NBEA: variants seen among roughly 807,000 people sequenced by gnomAD.
The protein encoded by NBEA is lysosomal-trafficking regulator 2.
In NBEA, 44 loss-of-function variants were observed where a neutral mutation model predicts 343.4. That is an observed-to-expected ratio of 0.13 (90% CI 0.10 to 0.16). The LOEUF is 0.16. NBEA is among the 10% of genes least tolerant of loss of function. NBEA has a pLI of 1.00. For synonymous variants in NBEA, 1,175 were observed against 1,238.7 expected (o/e 0.95, Z 1.08); for missense variants, 2,555 against 3,631.3 (o/e 0.70, Z 7.62).
At chr13:35,619,889 A>C (rs1001572526) in intron 48 of NBEA, among the ~76,000 whole-genome samples, 1 of 152,198 alleles carries the variant, frequency 6.6e-6, no homozygotes, top group Non-Finnish European at 1.5e-5. Flanking sequence ...TATGGAAAAT[A>C]CAAAGAATGG....
chr13:35,286,206 G>A (rs747215567), intron 34 of NBEA, among the ~76,000 whole-genome samples: 3 of 152,042 alleles, frequency 2.0e-5, no homozygotes, highest in Admixed American at 6.6e-5. Flanking sequence ...AGGCACATTA[G>A]ACAATATGTT....
chr13:35,555,158 T>A, intron 44 of NBEA, 56 bp downstream of exon 44: 1 of 959,536 alleles, frequency 1.0e-6, no homozygotes, highest in Non-Finnish European at 1.6e-6. Context: ...AAAATCATGG[T>A]AATGTAGCCT....
intron 30 of NBEA, chr13:35,185,268 T>C (rs1279018836): frequency 6.6e-6 from 1 of 152,128 alleles, no homozygotes; most frequent in Non-Finnish European, 1.5e-5. Context: ...CTGCCAATAA[T>C]TGAATGAGTT....
At chr13:35,087,470 A>G (rs919898376) in intron 10 of NBEA, among the ~76,000 whole-genome samples, 2 of 151,944 alleles carry the variant, frequency 1.3e-5, no homozygotes, top group African/African-American at 2.4e-5. Flanking sequence ...ATGAGCCACT[A>G]TTAACATCAT....
At chr13:35,148,315 A>G (rs1294427865) in intron 18 of NBEA, among the ~76,000 whole-genome samples, 2 of 152,156 alleles carry the variant, frequency 1.3e-5, no homozygotes, top group East Asian at 3.8e-4. Context: ...ATAGAACATA[A>G]CTCATTAAGT....
chr13:35,078,313 C>T (rs2064210804), intron 10 of NBEA, among the ~76,000 whole-genome samples: 1 of 152,170 alleles, frequency 6.6e-6, no homozygotes, highest in African/African-American at 2.4e-5. Flanking sequence ...AACAAACAAC[C>T]TCAAAATCTG....
chr13:35,531,565 T>G (rs2078264428), intron 41 of NBEA, among the ~76,000 whole-genome samples: 1 of 152,204 alleles, frequency 6.6e-6, no homozygotes, highest in Non-Finnish European at 1.5e-5. Flanking sequence ...CCCTTACCTT[T>G]CCTTTGTATT....
At position 35,308,488 on chromosome 13, in the gene NBEA, GTA is replaced by G. The variant is rs1380889685; in HGVS notation, c.5839-1032_5839-1031del. Among the ~76,000 whole-genome samples, 174 of 103,434 alleles carry G rather than the reference GTA, an allele frequency of 1.7e-3. 3 individuals carry two copies. The highest frequency in any genetic ancestry group is 3.1e-3 in the East Asian group (12 of 3,910). The allele number at this position is 103,434 out of a possible 152,430, so 67.9% of individuals were successfully genotyped here. A position where few individuals can be genotyped will look rare whatever the true frequency, so the allele number is the denominator to read the frequency against. On this transcript the variant is annotated intron_variant, in intron 35 of 58. Coordinates refer to ENST00000379939, the MANE Select transcript of NBEA (RefSeq NM_001385012.1). ...TATATATATATGTATATATATATGT[GTA>G]TATATATGTGTATATATATATGTGT... is the stretch of plus-strand genomic sequence containing the variant.
chr13:35,340,338 A>C (rs1442837141), intron 36 of NBEA, among the ~76,000 whole-genome samples: 2 of 152,140 alleles, frequency 1.3e-5, no homozygotes, highest in African/African-American at 4.8e-5. Flanking sequence ...ATGGATGCTA[A>C]ATAAAATAAG....
At chr13:35,551,327 A>G (rs2079313708) in intron 43 of NBEA, among the ~76,000 whole-genome samples, 2 of 152,170 alleles carry the variant, frequency 1.3e-5, no homozygotes, top group Admixed American at 1.3e-4. Flanking sequence ...CTTACAGGAA[A>G]CATACCAAAA....
chr13:35,601,005 C>T (rs1158309174), intron 47 of NBEA, among the ~76,000 whole-genome samples: 1 of 152,044 alleles, frequency 6.6e-6, no homozygotes, highest in Non-Finnish European at 1.5e-5. Context: ...GGCAAAACCC[C>T]AGCTGTACTA....
intron 41 of NBEA, among the ~76,000 whole-genome samples, chr13:35,498,865 C>T (rs117218196): frequency 1.5e-4 from 23 of 152,110 alleles, no homozygotes; most frequent in Admixed American, 9.2e-4. Context: ...CTGGTACAAA[C>T]GACATATACT....
chr13:35,387,736 GA>G (rs113065886), intron 38 of NBEA, among the ~76,000 whole-genome samples: 2 of 150,332 alleles, frequency 1.3e-5, no homozygotes, highest in South Asian at 2.1e-4. Context: ...TTTTTGCTAG[GA>G]AAAAAAAATG....
At chr13:35,526,580 A>C (rs1383092395) in intron 41 of NBEA, among the ~76,000 whole-genome samples, 3 of 152,150 alleles carry the variant, frequency 2.0e-5, no homozygotes, top group Non-Finnish European at 4.4e-5. Flanking sequence ...TTGGAGTGTC[A>C]CTTTTCCAGC....
intron 1 of NBEA, among the ~76,000 whole-genome samples, 178 bp from the exon 2 acceptor site, chr13:35,040,755 G>A (rs1171028337): frequency 1.3e-5 from 2 of 151,814 alleles, no homozygotes; most frequent in East Asian, 1.9e-4. Flanking sequence ...TGCTAGTTTC[G>A]ATGCTCACAA....
intron 41 of NBEA, among the ~76,000 whole-genome samples, chr13:35,501,132 C>T (rs1288903905): frequency 6.6e-6 from 1 of 152,014 alleles, no homozygotes; most frequent in Non-Finnish European, 1.5e-5. Flanking sequence ...CCTCCTCAAC[C>T]CATTAATAGG....
At chr13:35,158,976 T>C (rs775429429) in intron 21 of NBEA, 40 bp from the exon 22 acceptor site, 20 of 1,454,304 alleles carry the variant, frequency 1.4e-5, no homozygotes, top group Admixed American at 7.3e-5. Flanking sequence ...CTTTTTGATA[T>C]GTACAAAATG....
intron 41 of NBEA, among the ~76,000 whole-genome samples, chr13:35,543,848 A>C (rs1003245763): frequency 6.6e-5 from 10 of 152,130 alleles, no homozygotes; most frequent in African/African-American, 2.4e-4. Context: ...TCCTCACTGC[A>C]TGTGCCACAC....
Position 35,159,856 on chromosome 13 carries a change from A to G in NBEA, c.3685A>G (p.Thr1229Ala). 6.2e-7 allele frequency: 1 copy of G among 1,606,900 alleles called. No individual in the cohort carries two copies. Among genetic ancestry groups the G allele is most frequent in the Non-Finnish European group, 8.5e-7 (1 of 1,176,210 alleles). The change falls in exon 22 of 59, where the codon ACT becomes GCT. Residue 1229 changes from threonine (T) to alanine (A), a missense_variant. By Grantham distance (58) the Thr-to-Ala change is moderately conservative. Around this residue, in one of 21 missense-constraint regions of NBEA, gnomAD observed 367 missense variants for 377.5 expected, o/e 0.97. Transcript: ENST00000379939. ...TTCTGAAAGAGACTTAGCGTCATCA[A>G]CTAAGGGGCTGGAGTATGCTGAAAT... is the stretch of plus-strand genomic sequence containing the variant. ...SISERDLASS[T>A]KGLEYAEMTA...
Sources: allele counts gnomAD v4.1 joint callset (sites outside exome capture counted in the v4.1 genomes callset), GRCh38; gene constraint gnomAD v4.1.1; regional missense constraint gnomAD v4.1.1; transcripts MANE v1.5; gene names NCBI Gene and HGNC (gene_info 2026-07-23, HGNC 2026-07-21).